The following LRRC4C variants were observed in gnomAD, a reference collection of about 807,000 sequenced individuals.
The protein encoded by LRRC4C is leucine rich repeat containing 4C.
A neutral mutation model predicts 33.6 loss-of-function variants in LRRC4C; 5 were observed. That is an observed-to-expected ratio of 0.15 (90% CI 0.08 to 0.31). LRRC4C has a LOEUF of 0.31. LRRC4C is among the 10% of genes least tolerant of loss of function. The pLI, the probability that LRRC4C is intolerant of heterozygous loss-of-function variation, is 1.00. For synonymous variants in LRRC4C, 329 were observed against 302.0 expected, an observed-to-expected ratio of 1.09 and a Z score of -0.93; for missense variants, 560 against 796.7, an observed-to-expected ratio of 0.70 and a Z score of 3.58.
chr11:40,276,987 C>T (rs1266221239), intron 4 of LRRC4C, among the ~76,000 whole-genome samples: 1 of 152,024 alleles, frequency 6.6e-6, no homozygotes, highest in East Asian at 1.9e-4. Flanking sequence ...CTCTTCCTGC[C>T]TCTCCCATGT....
At chr11:41,070,613 A>G (rs1938607524) in intron 1 of LRRC4C, among the ~76,000 whole-genome samples, 1 of 152,226 alleles carries the variant, frequency 6.6e-6, no homozygotes, top group African/African-American at 2.4e-5. Flanking sequence ...AAAGGATATG[A>G]ACAAAAACTT....
rs1948460023 is a variant in LRRC4C, at chr11:40,746,994, A to T, written c.-406-98716T>A. On this transcript the variant is annotated intron_variant, in intron 2 of 6. Transcript: ENST00000528697. Reference sequence around the variant, plus strand: ...TGAGAGCCTTCCCTTTAGCCTGGCCATTGTGGCTATTATTGGCATCTGAAT... The same window carrying T: ...TGAGAGCCTTCCCTTTAGCCTGGCCTTTGTGGCTATTATTGGCATCTGAAT... 2.0e-5 allele frequency among the ~76,000 whole-genome samples: 3 copies of T among 152,174 alleles called. No individual in the cohort carries two copies. In the South Asian group the frequency reaches 6.2e-4, roughly 31 times the overall value.
intron 3 of LRRC4C, among the ~76,000 whole-genome samples, chr11:40,387,402 G>A (rs1441893367): frequency 6.6e-6 from 1 of 152,156 alleles, no homozygotes; most frequent in Non-Finnish European, 1.5e-5. Context: ...CACTTTTGTA[G>A]CAGGAATTAG....
At chr11:40,662,513 C>T (rs1031484831) in intron 2 of LRRC4C, among the ~76,000 whole-genome samples, 3 of 152,144 alleles carry the variant, frequency 2.0e-5, no homozygotes, top group Non-Finnish European at 2.9e-5. Context: ...GGGGCATGGT[C>T]TAGAATACAG....
intron 1 of LRRC4C, among the ~76,000 whole-genome samples, chr11:41,299,389 A>T (rs1436421267): frequency 6.6e-6 from 1 of 152,118 alleles, no homozygotes; most frequent in Non-Finnish European, 1.5e-5. Context: ...AAATTTACTC[A>T]CTTCAACAAT....
At chr11:41,328,681 C>G (rs543747467) in intron 1 of LRRC4C, among the ~76,000 whole-genome samples, 13 of 152,156 alleles carry the variant, frequency 8.5e-5, no homozygotes, top group Non-Finnish European at 7.3e-5. Flanking sequence ...TTTCTAACCA[C>G]CAGCAAGCCT....
chr11:41,259,306 ATG>A (rs1948901128), intron 1 of LRRC4C, among the ~76,000 whole-genome samples: 1 of 152,050 alleles, frequency 6.6e-6, no homozygotes, highest in South Asian at 2.1e-4. Context: ...ACATCAGCAC[ATG>A]TGAGTTAACT....
intron 3 of LRRC4C, among the ~76,000 whole-genome samples, chr11:40,572,383 G>C (rs2135572662): frequency 6.6e-6 from 1 of 152,296 alleles, no homozygotes; most frequent in African/African-American, 2.4e-5. Context: ...GCATCAGAGA[G>C]ATTTAATGGA....
At chr11:40,906,376 T>C (rs1956416106) in intron 2 of LRRC4C, among the ~76,000 whole-genome samples, 1 of 152,062 alleles carries the variant, frequency 6.6e-6, no homozygotes, top group Non-Finnish European at 1.5e-5. Flanking sequence ...TTGGGCATGG[T>C]GCCATGCGCC....
intron 2 of LRRC4C, among the ~76,000 whole-genome samples, chr11:40,658,959 A>G (rs1435538358): frequency 1.3e-5 from 2 of 152,218 alleles, no homozygotes; most frequent in East Asian, 3.9e-4. Context: ...GGAGCTGGGC[A>G]GAGATGAGAG....
At chr11:41,405,648 A>G (rs1954204755) in intron 1 of LRRC4C, among the ~76,000 whole-genome samples, 1 of 152,140 alleles carries the variant, frequency 6.6e-6, no homozygotes, top group Non-Finnish European at 1.5e-5. Flanking sequence ...TAGCTTCATT[A>G]CATGCCCTGA....
In LRRC4C at chr11:40,651,785, T is replaced by C. The variant is rs34178584; in HGVS notation, c.-406-3507A>G. On this transcript the variant is annotated intron_variant, in intron 2 of 6. Transcript: ENST00000528697. ...TTTTTCTGTTCAATAGTGTGGTTCA[T>C]TTGACTTCCTTCTCCACTGTGGAAG... 3.6e-3 allele frequency among the ~76,000 whole-genome samples: 541 copies of C among 152,324 alleles called. 5 individuals carry two copies. Among genetic ancestry groups the C allele is most frequent in the African/African-American group, 0.013 (523 of 41,574 alleles).
intron 3 of LRRC4C, among the ~76,000 whole-genome samples, chr11:40,521,355 AAG>A: frequency 6.6e-6 from 1 of 152,344 alleles, no homozygotes; most frequent in South Asian, 2.1e-4. Flanking sequence ...AGTAATAAGA[AAG>A]AGTCAGCTTG....
At chr11:40,187,922 A>C (rs542537408) in intron 5 of LRRC4C, among the ~76,000 whole-genome samples, 3 of 152,316 alleles carry the variant, frequency 2.0e-5, no homozygotes, top group African/African-American at 7.2e-5. Flanking sequence ...AGAAGGAGAG[A>C]GATCCTCTGC....
At chr11:40,608,252 G>T (rs1356882830) in intron 3 of LRRC4C, among the ~76,000 whole-genome samples, 3 of 151,994 alleles carry the variant, frequency 2.0e-5, no homozygotes, top group African/African-American at 7.2e-5. Context: ...TAAATTGTGG[G>T]GGGAAAGTAA....
chr11:41,026,640 T>C (rs1856384942), intron 1 of LRRC4C, among the ~76,000 whole-genome samples: 1 of 150,132 alleles, frequency 6.7e-6, no homozygotes, highest in Non-Finnish European at 1.5e-5. Context: ...GCAAATTGCA[T>C]TGTTTCTTTA....
intron 1 of LRRC4C, among the ~76,000 whole-genome samples, chr11:41,203,085 CA>C (rs1946465550): frequency 6.6e-6 from 1 of 152,200 alleles, no homozygotes; most frequent in Admixed American, 6.5e-5. Context: ...TGTGCCCGGT[CA>C]AAAACTGATT....
In LRRC4C at chr11:40,500,967, T is replaced by C. The variant is rs145012079; in HGVS notation, c.-270+147175A>G. ...GAAAGTTAGTTACTTCCTAGATACA[T>C]TGGGGATACAGGCATTGGGTAAATA... On this transcript the variant is annotated intron_variant, in intron 3 of 6. Coordinates refer to ENST00000528697, the MANE Select transcript of LRRC4C (RefSeq NM_001258419.2). Among the ~76,000 whole-genome samples the C allele has an allele frequency of 3.5e-4, 54 of 152,310 alleles. 1 individual carries two copies. The highest frequency in any genetic ancestry group is 9.1e-4 in the African/African-American group (38 of 41,564).
intron 3 of LRRC4C, among the ~76,000 whole-genome samples, chr11:40,361,934 A>G (rs544853622): frequency 1.8e-4 from 28 of 152,300 alleles, no homozygotes; most frequent in South Asian, 1.0e-3. Context: ...AATGGAACAG[A>G]ATAGAGAACC....
Sources: gnomAD v4.1 joint callset for allele counts (sites outside exome capture counted in the v4.1 genomes callset) on GRCh38, gnomAD v4.1.1 for gene constraint, MANE v1.5 for transcripts, NCBI Gene and HGNC (gene_info 2026-07-23, HGNC 2026-07-21) for gene names.